The following IL36B variants were observed in gnomAD, a reference collection of about 807,000 sequenced individuals.
IL36B encodes interleukin-36 beta.
In IL36B, 23 loss-of-function variants were observed where a neutral mutation model predicts 19.3. That is an observed-to-expected ratio of 1.19 (90% CI 0.86 to 1.69). The LOEUF (loss-of-function observed/expected upper bound fraction) is 1.69, where lower values mean the gene tolerates loss of function less well. Among genes scored for constraint, IL36B ranks in the 40% most tolerant of loss-of-function variants. IL36B has a pLI of 0.00. For missense variants in IL36B, 217 were observed against 200.5 expected, an observed-to-expected ratio of 1.08 and a Z score of -0.50; for synonymous variants, 59 against 59.7, an observed-to-expected ratio of 0.99 and a Z score of 0.05.
chr2:113,034,810 TCAAA>T (rs1260943908), intron 1 of IL36B, among the ~76,000 whole-genome samples: 4 of 152,168 alleles, frequency 2.6e-5, no homozygotes, highest in African/African-American at 9.7e-5. Flanking sequence ...AGAGAATCAC[TCAAA>T]CAGTCAGTGG....
At chr2:113,032,921 A>C (rs1286634138) in intron 1 of IL36B, among the ~76,000 whole-genome samples, 2 of 152,210 alleles carry the variant, frequency 1.3e-5, no homozygotes, top group Non-Finnish European at 2.9e-5. Flanking sequence ...CAGAGGCAAC[A>C]TCAGAAAACA....
chr2:113,038,492 C>T (rs945657511), intron 1 of IL36B, among the ~76,000 whole-genome samples: 1 of 152,208 alleles, frequency 6.6e-6, no homozygotes, highest in East Asian at 1.9e-4. Context: ...GGTCCAGTTT[C>T]GAAAAGTAAG....
chr2:113,036,035 C>T (rs956160151), intron 1 of IL36B, among the ~76,000 whole-genome samples: 1 of 152,180 alleles, frequency 6.6e-6, no homozygotes, highest in Non-Finnish European at 1.5e-5. Context: ...CTCCGCCCCA[C>T]CCGGGTTCAA....
intron 1 of IL36B, among the ~76,000 whole-genome samples, chr2:113,033,840 A>G (rs1685121862): frequency 6.6e-6 from 1 of 152,154 alleles, no homozygotes; most frequent in Non-Finnish European, 1.5e-5. Flanking sequence ...CTGAATTAGG[A>G]GTCAGACGCG....
chr2:113,039,364 C>A (rs1247581255), intron 1 of IL36B, among the ~76,000 whole-genome samples: 1 of 152,208 alleles, frequency 6.6e-6, no homozygotes, highest in African/African-American at 2.4e-5. Flanking sequence ...CCCCTGCAAC[C>A]ACCCTCACCG....
At chr2:113,040,819 T>G (rs1295379441) in intron 1 of IL36B, among the ~76,000 whole-genome samples, 1 of 152,250 alleles carries the variant, frequency 6.6e-6, no homozygotes, top group East Asian at 1.9e-4. Context: ...ATGGATTCCA[T>G]GACATCTCTA....
intron 1 of IL36B, among the ~76,000 whole-genome samples, chr2:113,034,489 T>TTTAC (rs1685131874): frequency 1.3e-5 from 2 of 151,730 alleles, no homozygotes; most frequent in African/African-American, 4.8e-5. Context: ...TATCCATCTA[T>TTTAC]TTATTTATTT....
intron 3 of IL36B, among the ~76,000 whole-genome samples, chr2:113,029,633 A>C (rs928783284): frequency 5.9e-5 from 9 of 152,228 alleles, no homozygotes; most frequent in African/African-American, 1.9e-4. Context: ...GGTTTTGAGA[A>C]GACAGATCAA....
At chr2:113,038,885 T>A (rs1383997984) in intron 1 of IL36B, among the ~76,000 whole-genome samples, 1 of 152,224 alleles carries the variant, frequency 6.6e-6, no homozygotes, top group Non-Finnish European at 1.5e-5. Flanking sequence ...TCTCAATGCC[T>A]GATCTCCATC....
chr2:113,040,846 C>CA (rs1553462381), intron 1 of IL36B, among the ~76,000 whole-genome samples: 50 of 151,454 alleles, frequency 3.3e-4, no homozygotes, highest in Non-Finnish European at 6.0e-4. Context: ...TAGCACTAGG[C>CA]TTTTTTTTTG....
At chr2:113,035,140 G>A (rs1253388415) in intron 1 of IL36B, among the ~76,000 whole-genome samples, 1 of 152,154 alleles carries the variant, frequency 6.6e-6, no homozygotes, top group African/African-American at 2.4e-5. Flanking sequence ...CCAGTGGTTG[G>A]CAGAAGGGTT....
rs1181073133 is a variant in IL36B at position 113,022,427 on chromosome 2, C to G, written c.*247G>C. 1 of 315,394 alleles carries G rather than the reference C, an allele frequency of 3.2e-6. No individual in the cohort carries two copies. Among genetic ancestry groups the G allele is most frequent in the Non-Finnish European group, 5.9e-6 (1 of 170,776 alleles). The allele number at this position is 315,394 out of a possible 1,614,324, so 19.5% of individuals were successfully genotyped here. The stretch of plus-strand genomic sequence containing the variant: ...ACTTTACAATTTTTTAAAAAACACT[C>G]TAAGGACTGGACAAAACACATTTAC... On this transcript the variant is annotated 3_prime_UTR_variant, in exon 6 of 6. Coordinates refer to ENST00000259213, the MANE Select transcript of IL36B (RefSeq NM_014438.5).
chr2:113,043,271 ATT>A (rs1054916394), intron 1 of IL36B, among the ~76,000 whole-genome samples: 9 of 152,142 alleles, frequency 5.9e-5, no homozygotes, highest in African/African-American at 2.2e-4. Flanking sequence ...TCAAAAAGAA[ATT>A]TTTGTTTTTA....
chr2:113,027,205 T>C (rs1036156787), intron 4 of IL36B, among the ~76,000 whole-genome samples: 1 of 152,136 alleles, frequency 6.6e-6, no homozygotes, highest in Non-Finnish European at 1.5e-5. Flanking sequence ...ATCTTCACAT[T>C]GACTGAGGAG....
chr2:113,048,403 C>T (rs1685384604), intron 1 of IL36B, among the ~76,000 whole-genome samples: 1 of 152,220 alleles, frequency 6.6e-6, no homozygotes, highest in Admixed American at 6.5e-5. Flanking sequence ...GATCTCGCCA[C>T]TGCTCTCCAG....
intron 1 of IL36B, among the ~76,000 whole-genome samples, chr2:113,050,875 C>T (rs756454058): frequency 7.9e-5 from 12 of 152,164 alleles, no homozygotes; most frequent in Non-Finnish European, 1.6e-4. Context: ...GCTCGCTACT[C>T]GGGTGAGGGC....
At chr2:113,040,531 A>T (rs948299467) in intron 1 of IL36B, among the ~76,000 whole-genome samples, 1 of 152,240 alleles carries the variant, frequency 6.6e-6, no homozygotes, top group African/African-American at 2.4e-5. Flanking sequence ...TAGAACTAAT[A>T]AGTGCAAGGC....
intron 1 of IL36B, among the ~76,000 whole-genome samples, chr2:113,051,218 A>G (rs1163434828): frequency 6.6e-6 from 1 of 152,146 alleles, no homozygotes; most frequent in African/African-American, 2.4e-5. Flanking sequence ...CCCTGGGTTT[A>G]TTTCCAGTTT....
At chr2:113,039,224 C>T (rs188123999) in intron 1 of IL36B, among the ~76,000 whole-genome samples, 6 of 152,226 alleles carry the variant, frequency 3.9e-5, no homozygotes, top group Admixed American at 3.3e-4. Flanking sequence ...AGCACTGGAA[C>T]CTGCTCTTGC....
Sources: allele counts gnomAD v4.1 joint callset (sites outside exome capture counted in the v4.1 genomes callset), GRCh38; gene constraint gnomAD v4.1.1; transcripts MANE v1.5; gene names NCBI Gene and HGNC (gene_info 2026-07-23, HGNC 2026-07-21).